The following PIK3C2G variants were observed in gnomAD, a reference collection of about 807,000 sequenced individuals.
The protein encoded by PIK3C2G is phosphatidylinositol 3-kinase C2 domain-containing subunit gamma.
In PIK3C2G, 168 loss-of-function variants were observed where a neutral mutation model predicts 181.1. That is an observed-to-expected ratio of 0.93 (90% CI 0.82 to 1.05). PIK3C2G has a LOEUF of 1.05. Ranked by LOEUF, PIK3C2G falls within the 50% of genes least tolerant of loss-of-function variation. PIK3C2G has a pLI of 0.00. For missense variants in PIK3C2G, 1,869 were observed against 1,732.8 expected (o/e 1.08, Z -1.40); for synonymous variants, 573 against 592.2 (o/e 0.97, Z 0.47).
the PIK3C2G span, chr12:18,684,267 C>T: frequency 6.2e-7 from 1 of 1,607,818 alleles, no homozygotes; most frequent in Non-Finnish European, 8.5e-7. Context: ...TTCATTCCAT[C>T]TTGGACTAAA....
chr12:18,390,969 T>C (rs1045554009), intron 14 of PIK3C2G, among the ~76,000 whole-genome samples, 153 bp from the exon 15 acceptor site: 15 of 152,108 alleles, frequency 9.9e-5, no homozygotes, highest in Admixed American at 7.2e-4. Flanking sequence ...CCTCTAATAA[T>C]TATTTTAGAA....
In PIK3C2G at chr12:18,338,502, C is replaced by T. The variant is rs749176032; in HGVS notation, c.1349C>T (p.Thr450Ile). The T allele has an allele frequency of 6.3e-6, 10 of 1,587,856 alleles. No individual in the cohort carries two copies. The highest frequency in any genetic ancestry group is 7.8e-6 in the Non-Finnish European group (9 of 1,156,714). ...GGGTGTGTGGAAACCAAACAAATTACAGATGCAGTAAATGAACTAAGTCTA... is the reference window on the plus strand; with the variant it reads ...GGGTGTGTGGAAACCAAACAAATTATAGATGCAGTAAATGAACTAAGTCTA... ...VLGCVETKQI[T>I]DAVNELSLIL... Residue 450 changes from threonine to isoleucine, a missense_variant, in exon 9 of 33, where the codon ACA (threonine) becomes ATA (isoleucine). Coordinates refer to ENST00000538779, the MANE Select transcript of PIK3C2G (RefSeq NM_001288772.2).
At chr12:18,375,301 T>G (rs768142497) in intron 13 of PIK3C2G, among the ~76,000 whole-genome samples, 8 of 152,204 alleles carry the variant, frequency 5.3e-5, no homozygotes, top group Non-Finnish European at 7.4e-5. Context: ...CAAAGGTCAC[T>G]CTTGTTATGC....
chr12:18,279,089 C>T (rs11044001), intron 1 of PIK3C2G, among the ~76,000 whole-genome samples: 8,958 of 151,958 alleles, frequency 0.059, 397 homozygotes, highest in Non-Finnish European at 0.092. Flanking sequence ...TTCATTTGAG[C>T]GAATACTCTG....
At chr12:18,701,602 A>G in the PIK3C2G span, 3 of 1,592,502 alleles carry the variant, frequency 1.9e-6, no homozygotes, top group Non-Finnish European at 8.5e-7. Flanking sequence ...GATTCTTTGA[A>G]TTTATCCTCC....
At chr12:18,247,424 G>C (rs1043394138), upstream of PIK3C2G, among the ~76,000 whole-genome samples, 10 of 152,176 alleles carry the variant, frequency 6.6e-5, no homozygotes, top group African/African-American at 2.4e-4. Flanking sequence ...AAGAGTTTAG[G>C]AGTGGAGGTT....
At chr12:18,318,527 TG>T (rs1380420823) in intron 6 of PIK3C2G, among the ~76,000 whole-genome samples, 1 of 152,050 alleles carries the variant, frequency 6.6e-6, no homozygotes, top group Non-Finnish European at 1.5e-5. Flanking sequence ...GGATTTCAGC[TG>T]TAAGTAAAAC....
chr12:18,636,848 T>C (rs928009419), intron 31 of PIK3C2G, among the ~76,000 whole-genome samples: 2 of 152,192 alleles, frequency 1.3e-5, no homozygotes, highest in South Asian at 2.1e-4. Context: ...TTTTCCTAGA[T>C]AGAGGCAATA....
At chr12:18,680,470 C>A in the PIK3C2G span, among the ~76,000 whole-genome samples, 1 of 152,020 alleles carries the variant, frequency 6.6e-6, no homozygotes, top group African/African-American at 2.4e-5. Flanking sequence ...TCTTTAGCAA[C>A]CAGCCTGTCA....
chr12:18,251,680 G>A (rs929181993), intron 1 of PIK3C2G, among the ~76,000 whole-genome samples: 6 of 151,932 alleles, frequency 3.9e-5, no homozygotes, highest in East Asian at 1.9e-4. Context: ...CTTGAAATAC[G>A]TAGCACAAAT....
At chr12:18,582,234 G>A (rs1277756161) in intron 29 of PIK3C2G, among the ~76,000 whole-genome samples, 4 of 152,050 alleles carry the variant, frequency 2.6e-5, no homozygotes, top group Non-Finnish European at 5.9e-5. Flanking sequence ...TCAAGAAAAC[G>A]AGTCAACCCA....
the PIK3C2G span, chr12:18,685,615 A>G: frequency 3.9e-5 from 20 of 516,256 alleles, no homozygotes; most frequent in African/African-American, 3.7e-4. Flanking sequence ...CAGAAATAGT[A>G]AACTAATTGG....
intron 18 of PIK3C2G, among the ~76,000 whole-genome samples, chr12:18,459,712 T>C (rs994177390): frequency 1.3e-5 from 2 of 152,196 alleles, no homozygotes; most frequent in African/African-American, 4.8e-5. Context: ...ATTAACCAAG[T>C]CTGTGATGTA....
chr12:18,562,057 T>C lies in PIK3C2G; in HGVS notation c.3591-646T>C, dbSNP rs114687951. On this transcript the variant is annotated intron_variant, in intron 26 of 32. Coordinates refer to ENST00000538779, the MANE Select transcript of PIK3C2G (RefSeq NM_001288772.2). Reference sequence around the variant, plus strand: ...TGGAATTTGCGTTACTTCTGGAATGTTGTAAATACTTTTAATAATTATAAG... The same window carrying C: ...TGGAATTTGCGTTACTTCTGGAATGCTGTAAATACTTTTAATAATTATAAG... 3.2e-3 allele frequency among the ~76,000 whole-genome samples: 482 copies of C among 152,370 alleles called. 2 individuals are homozygous for C. Among genetic ancestry groups the C allele is most frequent in the African/African-American group, 0.011 (461 of 41,600 alleles).
At chr12:18,605,810 C>T (rs1288647940) in intron 30 of PIK3C2G, among the ~76,000 whole-genome samples, 1 of 152,050 alleles carries the variant, frequency 6.6e-6, no homozygotes, top group East Asian at 1.9e-4. Flanking sequence ...TTGTAGCCGC[C>T]TTTCTTGACT....
At chr12:18,306,996 G>A (rs1199377418) in intron 5 of PIK3C2G, among the ~76,000 whole-genome samples, 2 of 150,726 alleles carry the variant, frequency 1.3e-5, no homozygotes, top group Admixed American at 6.7e-5. Context: ...TCCAATGAAA[G>A]AGCATCGCTT....
intron 24 of PIK3C2G, among the ~76,000 whole-genome samples, chr12:18,535,489 T>C (rs1237848438): frequency 6.6e-6 from 1 of 152,072 alleles, no homozygotes; most frequent in Non-Finnish European, 1.5e-5. Flanking sequence ...ATGGTGACTA[T>C]GGACAAAAGA....
intron 14 of PIK3C2G, among the ~76,000 whole-genome samples, chr12:18,386,020 C>A (rs1471665811): frequency 1.3e-5 from 2 of 152,068 alleles, no homozygotes; most frequent in Non-Finnish European, 2.9e-5. Flanking sequence ...GTCTCTTCCC[C>A]ATAACTGAAC....
intron 1 of PIK3C2G, among the ~76,000 whole-genome samples, chr12:18,276,429 G>A (rs539393616): frequency 5.9e-5 from 9 of 152,204 alleles, no homozygotes; most frequent in Admixed American, 2.6e-4. Flanking sequence ...ATGTAACAAC[G>A]CTTAGGAATC....
Sources: gnomAD v4.1 joint callset for allele counts (sites outside exome capture counted in the v4.1 genomes callset) on GRCh38, gnomAD v4.1.1 for gene constraint, MANE v1.5 for transcripts, NCBI Gene and HGNC (gene_info 2026-07-23, HGNC 2026-07-21) for gene names.